The following RASGRP3 variants were observed in gnomAD, a reference collection of about 807,000 sequenced individuals.
The protein encoded by RASGRP3 is ras guanyl-releasing protein 3.
A neutral mutation model predicts 82.7 loss-of-function variants in RASGRP3; 54 were observed. The ratio of observed to expected loss-of-function variants is 0.65; its 90% confidence interval spans 0.52 to 0.82. The LOEUF (loss-of-function observed/expected upper bound fraction) is 0.82, where lower values mean the gene tolerates loss of function less well. Ranked by LOEUF, RASGRP3 falls within the 40% of genes least tolerant of loss-of-function variation. RASGRP3 has a pLI of 0.00. For synonymous variants in RASGRP3, 309 were observed against 300.5 expected (o/e 1.03, Z -0.29); for missense variants, 861 against 828.9 (o/e 1.04, Z -0.48).
At chr2:33,496,207 T>C (rs1271681327) in intron 1 of RASGRP3, among the ~76,000 whole-genome samples, 1 of 152,224 alleles carries the variant, frequency 6.6e-6, no homozygotes, top group Non-Finnish European at 1.5e-5. Flanking sequence ...GTTCATTATT[T>C]GTATGTCTTT....
chr2:33,486,297 G>T lies in RASGRP3; in HGVS notation c.-261+9590G>T, dbSNP rs992422782. ...TCCTGCCTCAGCCTCCTGAGTAACT[G>T]GGATTACAGGTGCCCACCACCAAAC... is the stretch of plus-strand genomic sequence containing the variant. On this transcript the variant is annotated intron_variant, in intron 1 of 17. Coordinates refer to ENST00000403687, the MANE Select transcript of RASGRP3 (RefSeq NM_001139488.2). 4.0e-5 allele frequency among the ~76,000 whole-genome samples: 6 copies of T among 151,868 alleles called. No individual in the cohort carries two copies. In the South Asian group the frequency reaches 1.0e-3, roughly 26 times the overall value.
At chr2:33,477,048 A>G (rs1667444077) in intron 1 of RASGRP3, among the ~76,000 whole-genome samples, 1 of 114,568 alleles carries the variant, frequency 8.7e-6, no homozygotes, top group Admixed American at 8.2e-5. Context: ...GTTCAAAGTC[A>G]AGTTCAGGTT....
intron 2 of RASGRP3, among the ~76,000 whole-genome samples, chr2:33,458,838 T>G (rs1666188281): frequency 6.6e-6 from 1 of 152,234 alleles, no homozygotes; most frequent in South Asian, 2.1e-4. Flanking sequence ...AAATTGTTTT[T>G]ACCCACTCGG....
Position 33,523,930 on chromosome 2 carries a change from A to G in RASGRP3, c.568A>G (p.Thr190Ala). The change falls in exon 8 of 18, where the codon ACC (threonine) becomes GCC (alanine). Residue 190 changes from threonine (T) to alanine (A), a missense_variant. Physicochemically the swap from Thr to Ala is moderately conservative, Grantham distance 58. Coordinates refer to ENST00000403687, the MANE Select transcript of RASGRP3 (RefSeq NM_001139488.2). ...VIHGCLENNP[T>A]LERSIALFNG... ...CCATGGCTGCCTGGAGAATAATCCAACCTTGGAAAGATCGATTGCTTTATT... is the reference window on the plus strand; with the variant it reads ...CCATGGCTGCCTGGAGAATAATCCAGCCTTGGAAAGATCGATTGCTTTATT... The G allele has an allele frequency of 6.2e-7, 1 of 1,613,972 alleles. No individual in the cohort carries two copies. The highest frequency in any genetic ancestry group is 8.5e-7 in the Non-Finnish European group (1 of 1,179,854).
intron 13 of RASGRP3, among the ~76,000 whole-genome samples, chr2:33,544,040 A>T (rs2151079251): frequency 6.6e-6 from 1 of 152,322 alleles, no homozygotes; most frequent in East Asian, 1.9e-4. Context: ...TTGGCCAGGC[A>T]TGGTGACTCA....
chr2:33,458,191 G>T lies in RASGRP3; in HGVS notation c.-261+10248G>T, dbSNP rs191676921. On this transcript the variant is annotated intron_variant, in intron 2 of 18. Coordinates refer to the RASGRP3 transcript ENST00000402538. ...TACTTAATAAATGTGTTCTTGAATC[G>T]TATGAGTTGAATTTTGGTTGGTTGA... 1.1e-4 allele frequency: 16 copies of T among 152,292 alleles called. No individual in the cohort carries two copies. In the South Asian group the frequency reaches 2.7e-3, roughly 26 times the overall value. The allele number at this position is 152,292 out of a possible 1,614,324, so 9.4% of individuals were successfully genotyped here. A position where few individuals can be genotyped will look rare whatever the true frequency, so the allele number is the denominator to read the frequency against.
chr2:33,520,109 A>G (rs907424355), intron 5 of RASGRP3, 95 bp downstream of exon 5: 2 of 1,041,688 alleles, frequency 1.9e-6, no homozygotes, highest in East Asian at 5.3e-5. Flanking sequence ...GTTTGACAAC[A>G]GACTCTACTC....
At chr2:33,517,414 G>C (rs550868768) in intron 4 of RASGRP3, among the ~76,000 whole-genome samples, 3 of 152,178 alleles carry the variant, frequency 2.0e-5, no homozygotes, top group Non-Finnish European at 4.4e-5. Context: ...CCCTGGAGAT[G>C]AGTGAGAACC....
chr2:33,527,280 A>T lies in RASGRP3; in HGVS notation c.951A>T (p.Pro317=). The change falls in exon 10 of 18, where the codon CCA becomes CCT. Residue 317 remains proline (P), a synonymous_variant. Transcript: ENST00000403687. ...KDLIAVHVIF[P]DWTEENKVNI... ...TGATAGCTGTCCATGTCATTTTCCCAGACTGGACAGAGGAGAACAAAGTGA... is the reference window on the plus strand; with the variant it reads ...TGATAGCTGTCCATGTCATTTTCCCTGACTGGACAGAGGAGAACAAAGTGA... 3 of 1,613,992 alleles carry T rather than the reference A, an allele frequency of 1.9e-6. No homozygotes were observed. Among genetic ancestry groups the T allele is most frequent in the Non-Finnish European group, 2.5e-6 (3 of 1,179,880 alleles).
chr2:33,548,749 C>T (rs1465334255), intron 13 of RASGRP3, among the ~76,000 whole-genome samples: 1 of 152,058 alleles, frequency 6.6e-6, no homozygotes, highest in Admixed American at 6.6e-5. Context: ...CTCTGTTGCC[C>T]AGGCTGGAGT....
chr2:33,472,708 G>A (rs1356429894), upstream of RASGRP3, among the ~76,000 whole-genome samples: 1 of 152,040 alleles, frequency 6.6e-6, no homozygotes, highest in African/African-American at 2.4e-5. Context: ...TGTAATCCCA[G>A]CACTTTGGGA....
rs1553369026 is a variant in RASGRP3, at chr2:33,563,468, T to TA, written c.*733dup. 1 of 149,498 alleles carries TA rather than the reference T, an allele frequency of 6.7e-6. No homozygotes were observed. The highest frequency in any genetic ancestry group is 1.5e-5 in the Non-Finnish European group (1 of 66,622). 9.3% of individuals were successfully genotyped at this position (149,498 alleles called of 1,614,324 possible). ...TATAGCATGGTCGTGAAAGCTCTCC[T>TA]AATACTTACTTAAATAGCCATGGAA... On this transcript the variant is annotated 3_prime_UTR_variant, in exon 18 of 18. Coordinates refer to ENST00000403687, the MANE Select transcript of RASGRP3 (RefSeq NM_001139488.2).
At chr2:33,466,456 A>G (rs886826148) in intron 2 of RASGRP3, among the ~76,000 whole-genome samples, 3 of 152,152 alleles carry the variant, frequency 2.0e-5, no homozygotes, top group Non-Finnish European at 4.4e-5. Flanking sequence ...AGGCGGACAG[A>G]TCACCTGAGG....
intron 1 of RASGRP3, among the ~76,000 whole-genome samples, chr2:33,497,859 C>A (rs1162689126): frequency 6.6e-6 from 1 of 152,116 alleles, no homozygotes. Context: ...GAGTAAGAAG[C>A]ATATTATAGA....
chr2:33,525,080 C>CA (rs761878245), intron 9 of RASGRP3, among the ~76,000 whole-genome samples: 14,251 of 68,930 alleles, frequency 0.21, 1,118 homozygotes, highest in Non-Finnish European at 0.25. Flanking sequence ...GACTCCATCT[C>CA]AAAAAAAAAA....
Position 33,515,156 on chromosome 2 carries a change from G to A in RASGRP3, c.20G>A (p.Gly7Glu). The A allele has an allele frequency of 1.2e-6, 2 of 1,613,902 alleles. No individual in the cohort carries two copies. Among genetic ancestry groups the A allele is most frequent in the South Asian group, 2.2e-5 (2 of 91,078 alleles). Residue 7 changes from glycine (G) to glutamate (E), a missense_variant, in exon 3 of 18, where the codon GGG becomes GAG. Physicochemically the swap from Gly to Glu is moderately conservative, Grantham distance 98. Coordinates refer to ENST00000403687, the MANE Select transcript of RASGRP3 (RefSeq NM_001139488.2). MGSSGLGKAATLDELLC... is the reference protein window; with the variant it reads MGSSGLEKAATLDELLC... ...ATAACCATGGGATCAAGTGGCCTTG[G>A]GAAAGCAGCAACATTAGATGAACTG...
At chr2:33,446,680 T>A (rs965821078) in intron 1 of RASGRP3, among the ~76,000 whole-genome samples, 1 of 151,938 alleles carries the variant, frequency 6.6e-6, no homozygotes, top group Non-Finnish European at 1.5e-5. Flanking sequence ...CAAGAAATGA[T>A]CCTCAACAGC....
At chr2:33,460,847 C>T (rs899832228) in intron 2 of RASGRP3, among the ~76,000 whole-genome samples, 2 of 152,132 alleles carry the variant, frequency 1.3e-5, no homozygotes, top group African/African-American at 4.8e-5. Flanking sequence ...AAATCACACA[C>T]ACAGGAGTCC....
At chr2:33,493,404 A>G (rs1229811641) in intron 1 of RASGRP3, among the ~76,000 whole-genome samples, 1 of 152,218 alleles carries the variant, frequency 6.6e-6, no homozygotes, top group Non-Finnish European at 1.5e-5. Flanking sequence ...TGGTGCTGTC[A>G]GAGTGAGTCT....
Sources: allele counts gnomAD v4.1 joint callset (sites outside exome capture counted in the v4.1 genomes callset), GRCh38; gene constraint gnomAD v4.1.1; transcripts MANE v1.5; gene names NCBI Gene and HGNC (gene_info 2026-07-23, HGNC 2026-07-21).